MAGI2: variants seen among roughly 807,000 people sequenced by gnomAD.
MAGI2 encodes the protein membrane associated guanylate kinase, WW and PDZ domain containing 2.
In MAGI2, 35 loss-of-function variants were observed where a neutral mutation model predicts 133.3. That is an observed-to-expected ratio of 0.26 (90% confidence interval 0.20 to 0.35). MAGI2 has a LOEUF of 0.35. Among genes scored for constraint, MAGI2 ranks in the 10% least tolerant of loss-of-function variants. The pLI, the probability that MAGI2 is intolerant of heterozygous loss-of-function variation, is 1.00. For synonymous variants in MAGI2, 729 were observed against 710.6 expected (o/e 1.03, Z -0.41); for missense variants, 1,636 against 1,863.4 (o/e 0.88, Z 2.25).
At chr7:78,799,904 G>C (rs37873) in intron 2 of MAGI2, among the ~76,000 whole-genome samples, 1 of 152,052 alleles carries the variant, frequency 6.6e-6, no homozygotes, top group Non-Finnish European at 1.5e-5. Flanking sequence ...GCTACAAAAC[G>C]TCAGCTATAG....
intron 20 of MAGI2, among the ~76,000 whole-genome samples, chr7:78,121,231 T>TA (rs60654902): frequency 0.27 from 33,597 of 126,420 alleles, 3,975 homozygotes; most frequent in African/African-American, 0.32. Flanking sequence ...GCAGAAACTA[T>TA]AAAAAAAAAA....
intron 2 of MAGI2, among the ~76,000 whole-genome samples, chr7:78,993,273 A>T (rs1805969315): frequency 6.6e-6 from 1 of 152,044 alleles, no homozygotes; most frequent in Non-Finnish European, 1.5e-5. Flanking sequence ...TAATAAATAC[A>T]CTGTAAATCT....
At chr7:78,999,647 G>C (rs1806658236) in intron 2 of MAGI2, among the ~76,000 whole-genome samples, 1 of 152,114 alleles carries the variant, frequency 6.6e-6, no homozygotes, top group Admixed American at 6.5e-5. Flanking sequence ...ACTATGCCAA[G>C]GGCATACATC....
intron 3 of MAGI2, among the ~76,000 whole-genome samples, chr7:78,573,174 G>A (rs1232592205): frequency 2.9e-5 from 2 of 68,438 alleles, no homozygotes; most frequent in African/African-American, 6.1e-5. Context: ...ACACACACAC[G>A]TACCCTGGAA....
intron 1 of MAGI2, among the ~76,000 whole-genome samples, chr7:79,013,441 G>A (rs779394797): frequency 2.8e-4 from 42 of 152,136 alleles, no homozygotes; most frequent in African/African-American, 8.9e-4. Flanking sequence ...ATGAGTAACC[G>A]CAAATGTACC....
intron 1 of MAGI2, among the ~76,000 whole-genome samples, chr7:79,101,723 C>CAAAAAAAAA (rs376256842): frequency 9.8e-5 from 11 of 112,478 alleles, no homozygotes; most frequent in Admixed American, 3.0e-4. Flanking sequence ...GACTCTGTCA[C>CAAAAAAAAA]AAAAAAAAAA....
intron 2 of MAGI2, among the ~76,000 whole-genome samples, chr7:78,838,284 C>T (rs769680789): frequency 6.6e-6 from 1 of 151,838 alleles, no homozygotes; most frequent in Non-Finnish European, 1.5e-5. Context: ...AAAACTTGAA[C>T]ACGGCATGTA....
intron 2 of MAGI2, among the ~76,000 whole-genome samples, chr7:78,877,502 G>A (rs1031033726): frequency 1.3e-5 from 2 of 152,048 alleles, no homozygotes; most frequent in Non-Finnish European, 1.5e-5. Flanking sequence ...CTCCATCCTG[G>A]CACAATGGGC....
At chr7:79,281,331 T>A (rs1303496962) in intron 1 of MAGI2, among the ~76,000 whole-genome samples, 2 of 152,130 alleles carry the variant, frequency 1.3e-5, no homozygotes, top group African/African-American at 2.4e-5. Context: ...TAGCTCCTGG[T>A]GATGCTGCTG....
intron 1 of MAGI2, among the ~76,000 whole-genome samples, chr7:79,213,733 T>A (rs1829716879): frequency 6.6e-6 from 1 of 152,062 alleles, no homozygotes; most frequent in South Asian, 2.1e-4. Context: ...AGACACTGCT[T>A]CTAACATTGC....
chr7:78,144,855 GATCC>G (rs912600698), intron 16 of MAGI2, among the ~76,000 whole-genome samples: 1 of 152,038 alleles, frequency 6.6e-6, no homozygotes, highest in Non-Finnish European at 1.5e-5. Context: ...TGCACTTATT[GATCC>G]ATCATCTAGG....
intron 2 of MAGI2, among the ~76,000 whole-genome samples, chr7:78,983,300 T>C (rs1357729976): frequency 6.6e-6 from 1 of 151,954 alleles, no homozygotes; most frequent in African/African-American, 2.4e-5. Flanking sequence ...AAGAGGTAAA[T>C]ACATGTGCTT....
At chr7:79,121,006 CT>C (rs1010042792) in intron 1 of MAGI2, among the ~76,000 whole-genome samples, 1 of 152,078 alleles carries the variant, frequency 6.6e-6, no homozygotes, top group Non-Finnish European at 1.5e-5. Context: ...GACAGCATTT[CT>C]GCCAAGAAAA....
In MAGI2 at chr7:79,072,400, T is replaced by C. The variant is rs116870499; in HGVS notation, c.302-65194A>G. On this transcript the variant is annotated intron_variant, in intron 1 of 21. Transcript: ENST00000354212. ...TCTTTGGTAAATTGAAGGCTGTTATTGCCACATTCTTCCTAAAGCAGAACT... is the reference window on the plus strand; with the variant it reads ...TCTTTGGTAAATTGAAGGCTGTTATCGCCACATTCTTCCTAAAGCAGAACT... Among the ~76,000 whole-genome samples the C allele has an allele frequency of 2.2e-3, 336 of 152,298 alleles. 1 individual carries two copies. The highest frequency in any genetic ancestry group is 4.6e-3 in the Admixed American group (70 of 15,298).
intron 1 of MAGI2, among the ~76,000 whole-genome samples, chr7:79,101,512 C>T (rs983531903): frequency 6.6e-6 from 1 of 152,038 alleles, no homozygotes; most frequent in African/African-American, 2.4e-5. Context: ...ATCACGAGGT[C>T]AGGAGATCGA....
chr7:79,042,548 C>G (rs2116917660), intron 1 of MAGI2, among the ~76,000 whole-genome samples: 1 of 152,196 alleles, frequency 6.6e-6, no homozygotes, highest in Admixed American at 6.6e-5. Context: ...TATTTATATA[C>G]TAAATATATA....
At chr7:78,749,777 A>G (rs923726760) in intron 2 of MAGI2, among the ~76,000 whole-genome samples, 4 of 152,192 alleles carry the variant, frequency 2.6e-5, no homozygotes, top group Admixed American at 1.3e-4. Context: ...CAGATAGTTT[A>G]AAGGGAAGAG....
At chr7:79,163,296 C>T (rs973810208) in intron 1 of MAGI2, among the ~76,000 whole-genome samples, 1 of 152,088 alleles carries the variant, frequency 6.6e-6, no homozygotes, top group African/African-American at 2.4e-5. Context: ...CTGCCTCAGC[C>T]TCTCAAGTAG....
chr7:78,069,405 C>T (rs1004768353), intron 21 of MAGI2, among the ~76,000 whole-genome samples: 11 of 151,864 alleles, frequency 7.2e-5, no homozygotes, highest in African/African-American at 2.4e-4. Context: ...ATGTGGAGAG[C>T]GAGAGGGAAT....
Sources: allele counts gnomAD v4.1 joint callset (sites outside exome capture counted in the v4.1 genomes callset), GRCh38; gene constraint gnomAD v4.1.1; transcripts MANE v1.5; gene names NCBI Gene and HGNC (gene_info 2026-07-23, HGNC 2026-07-21).